Variants in ZBTB16 observed in about 807,000 individuals in gnomAD.
The protein encoded by ZBTB16 is zinc finger and BTB domain containing 16.
Under a neutral mutation model 56.8 loss-of-function variants are expected in ZBTB16, and 8 were observed. The observed-to-expected ratio is 0.14, with a 90% confidence interval of 0.08 to 0.25. The LOEUF (loss-of-function observed/expected upper bound fraction) is 0.25. Among genes scored for constraint, ZBTB16 ranks in the 10% least tolerant of loss-of-function variants. The pLI is 1.00. For synonymous variants in ZBTB16, 363 were observed against 368.5 expected (o/e 0.98, Z 0.17); for missense variants, 625 against 903.0 (o/e 0.69, Z 3.95).
At chr11:114,066,886 T>G (rs986877901) in intron 2 of ZBTB16, among the ~76,000 whole-genome samples, 14 of 149,756 alleles carry the variant, frequency 9.3e-5, no homozygotes, top group African/African-American at 3.5e-4. Flanking sequence ...TTCTCCTGCC[T>G]CAGCCTCCTG....
At chr11:114,067,567 CG>C (rs1373728707) in intron 2 of ZBTB16, among the ~76,000 whole-genome samples, 6 of 152,188 alleles carry the variant, frequency 3.9e-5, no homozygotes, top group South Asian at 2.1e-4. Context: ...CCACCATGCC[CG>C]ACTAATTTTT....
rs1941647355 is a variant in ZBTB16, at chr11:114,131,144, T to G, written c.1269-25193T>G. 2.6e-5 allele frequency among the ~76,000 whole-genome samples: 4 copies of G among 152,222 alleles called. No individual in the cohort carries two copies. The South Asian group carries it at 8.3e-4, about 31-fold the overall frequency. ...TGGTGGTTCTCAATGGGGGACAATT[T>G]CGTCCTCCAGGGCACATTTGGCAGT... On this transcript the variant is annotated intron_variant, in intron 2 of 6. Coordinates refer to ENST00000335953, the MANE Select transcript of ZBTB16 (RefSeq NM_006006.6).
chr11:114,174,671 G>A (rs561076202), intron 3 of ZBTB16, among the ~76,000 whole-genome samples: 5 of 152,308 alleles, frequency 3.3e-5, no homozygotes, highest in Admixed American at 2.0e-4. Context: ...AAGAAATAAA[G>A]CCTTTTAGAA....
intron 2 of ZBTB16, among the ~76,000 whole-genome samples, chr11:114,138,765 A>C (rs974031469): frequency 6.6e-6 from 1 of 151,828 alleles, no homozygotes; most frequent in African/African-American, 2.4e-5. Context: ...ATCTCGGATC[A>C]CTGCAACCTC....
In ZBTB16 at chr11:114,255,539, C is replaced by A. The variant is rs1411985802; in HGVS notation, c.*4984C>A. Among the ~76,000 whole-genome samples the A allele has an allele frequency of 6.6e-6, 1 of 151,390 alleles. No individual in the cohort carries two copies. The highest frequency in any genetic ancestry group is 2.4e-5 in the African/African-American group (1 of 41,164). On this transcript the variant is annotated 3_prime_UTR_variant, in exon 7 of 7. Coordinates refer to ENST00000335953, the MANE Select transcript of ZBTB16 (RefSeq NM_006006.6). ...CTCCATTCTCTCTCCCTCTCTCCTG[C>A]CTCCTGCTGCCCCCTCCCCAGCCCA...
chr11:114,225,816 G>A (rs1457186129), intron 4 of ZBTB16, among the ~76,000 whole-genome samples: 3 of 152,208 alleles, frequency 2.0e-5, no homozygotes, highest in Non-Finnish European at 4.4e-5. Context: ...CTGGATCAGT[G>A]TTCTAAGCAG....
chr11:114,193,402 G>A (rs1943542435), intron 4 of ZBTB16, among the ~76,000 whole-genome samples: 1 of 152,216 alleles, frequency 6.6e-6, no homozygotes, highest in Non-Finnish European at 1.5e-5. Flanking sequence ...ACTTCCTTGT[G>A]TGGGGCAGGT....
At chr11:114,234,629 C>T (rs560273965) in intron 4 of ZBTB16, among the ~76,000 whole-genome samples, 1 of 152,292 alleles carries the variant, frequency 6.6e-6, no homozygotes, top group South Asian at 2.1e-4. Flanking sequence ...CAGTAGATTC[C>T]TTGAAAAGGA....
In ZBTB16 at chr11:114,131,672, C is replaced by T. The variant is rs190779559; in HGVS notation, c.1269-24665C>T. 2.6e-5 allele frequency among the ~76,000 whole-genome samples: 4 copies of T among 152,178 alleles called. No homozygotes were observed. In the South Asian group the frequency reaches 8.3e-4, roughly 32 times the overall value. Reference sequence around the variant, plus strand: ...CCGAGAGGGGGGACATAGCTCCCCCCCTTTTTTTCATTGCAGTTCAAACTA... The same window carrying T: ...CCGAGAGGGGGGACATAGCTCCCCCTCTTTTTTTCATTGCAGTTCAAACTA... On this transcript the variant is annotated intron_variant, in intron 2 of 6. Transcript: ENST00000335953.
chr11:114,180,057 C>A (rs1248153002), intron 3 of ZBTB16, among the ~76,000 whole-genome samples: 3 of 152,208 alleles, frequency 2.0e-5, no homozygotes, highest in Admixed American at 6.5e-5. Context: ...GAGAGCTGCT[C>A]CCACACACGG....
chr11:114,224,808 A>G (rs1443645583), intron 4 of ZBTB16, among the ~76,000 whole-genome samples: 1 of 152,216 alleles, frequency 6.6e-6, no homozygotes, highest in Non-Finnish European at 1.5e-5. Flanking sequence ...AGAAAAAAGC[A>G]GTCAGTTTTA....
intron 3 of ZBTB16, among the ~76,000 whole-genome samples, chr11:114,184,474 C>A (rs1355403856): frequency 6.6e-6 from 1 of 152,092 alleles, no homozygotes; most frequent in African/African-American, 2.4e-5. Context: ...GAGCTCAGAC[C>A]CCACCCATGG....
intron 4 of ZBTB16, among the ~76,000 whole-genome samples, chr11:114,218,555 A>G (rs1356888890): frequency 6.6e-6 from 1 of 152,170 alleles, no homozygotes; most frequent in Admixed American, 6.5e-5. Flanking sequence ...TCTATAAATA[A>G]AGTCTTTTTC....
intron 3 of ZBTB16, among the ~76,000 whole-genome samples, chr11:114,184,978 AACC>A (rs982004612): frequency 2.0e-5 from 3 of 152,038 alleles, no homozygotes; most frequent in African/African-American, 4.8e-5. Flanking sequence ...GCTCAAGACC[AACC>A]TGGGAAACAC....
At chr11:114,103,713 G>C (rs1239576631) in intron 2 of ZBTB16, among the ~76,000 whole-genome samples, 2 of 152,090 alleles carry the variant, frequency 1.3e-5, no homozygotes, top group Non-Finnish European at 2.9e-5. Flanking sequence ...AAGATGCGGG[G>C]TGGAGATAGA....
At chr11:114,086,893 T>C (rs1939974523) in intron 2 of ZBTB16, among the ~76,000 whole-genome samples, 1 of 152,184 alleles carries the variant, frequency 6.6e-6, no homozygotes. Context: ...AAAACTGCAA[T>C]TACTTTTGCG....
At chr11:114,089,810 G>T (rs951630136) in intron 2 of ZBTB16, among the ~76,000 whole-genome samples, 5 of 152,212 alleles carry the variant, frequency 3.3e-5, no homozygotes, top group African/African-American at 1.2e-4. Context: ...AGGAGGTCTG[G>T]CTGCTCCCCC....
chr11:114,116,662 C>T (rs1467355728), intron 2 of ZBTB16, among the ~76,000 whole-genome samples: 1 of 152,088 alleles, frequency 6.6e-6, no homozygotes, highest in African/African-American at 2.4e-5. Context: ...AATGGTGAGG[C>T]GTAATGCGTT....
chr11:114,163,088 A>G (rs1035472029), intron 3 of ZBTB16, among the ~76,000 whole-genome samples: 6 of 152,180 alleles, frequency 3.9e-5, no homozygotes, highest in Admixed American at 1.3e-4. Context: ...GGGAGAGAGG[A>G]AAAGGAAAAC....
Sources: allele counts gnomAD v4.1 joint callset (sites outside exome capture counted in the v4.1 genomes callset), GRCh38; gene constraint gnomAD v4.1.1; transcripts MANE v1.5; gene names NCBI Gene and HGNC (gene_info 2026-07-23, HGNC 2026-07-21).